The following NIF3L1 variants were observed in gnomAD, a reference collection of about 807,000 sequenced individuals.
NIF3L1 encodes the protein NIF3-like protein 1.
Under a neutral mutation model 35.0 loss-of-function variants are expected in NIF3L1, and 26 were observed. That is an observed-to-expected ratio of 0.74 (90% CI 0.54 to 1.03). The LOEUF (loss-of-function observed/expected upper bound fraction) is 1.03, where lower values mean the gene tolerates loss of function less well. NIF3L1 is among the 50% of genes least tolerant of loss of function. NIF3L1 has a pLI of 0.00. For synonymous variants in NIF3L1, 157 were observed against 178.9 expected (o/e 0.88, Z 0.98); for missense variants, 449 against 466.3 (o/e 0.96, Z 0.34).
chr2:200,889,379 G>C lies in NIF3L1; in HGVS notation c.-300G>C, dbSNP rs1186536465. 1.4e-5 allele frequency: 4 copies of C among 292,202 alleles called. No individual in the cohort carries two copies. Among genetic ancestry groups the C allele is most frequent in the Non-Finnish European group, 2.7e-5 (4 of 146,468 alleles). The allele number at this position is 292,202 out of a possible 1,614,324, so 18.1% of individuals were successfully genotyped here. ...GCGGGACCGGAAGTGACGCAGAGAA[G>C]TTTCCGGGACTGGTGAGTAGTGGGC... On this transcript the variant is annotated 5_prime_UTR_variant, in exon 1 of 7. Coordinates refer to ENST00000409020, the MANE Select transcript of NIF3L1 (RefSeq NM_001369441.2).
intron 6 of NIF3L1, among the ~76,000 whole-genome samples, chr2:200,900,262 C>T (rs896709530): frequency 6.6e-6 from 1 of 152,156 alleles, no homozygotes; most frequent in African/African-American, 2.4e-5. Flanking sequence ...CTAATAGGTC[C>T]TGGCTAATTT....
At chr2:200,893,137 G>A (rs992180039) in intron 2 of NIF3L1, 109 bp from the exon 3 acceptor site, 3 of 789,568 alleles carry the variant, frequency 3.8e-6, no homozygotes, top group Non-Finnish European at 5.9e-6. Context: ...GCATGAGAAT[G>A]AATCTTTTTA....
intron 3 of NIF3L1, 71 bp downstream of exon 3, chr2:200,893,479 C>A: frequency 1.4e-6 from 2 of 1,447,514 alleles, no homozygotes; most frequent in Non-Finnish European, 1.9e-6. Context: ...GTCTATAACC[C>A]TGGTATTTAG....
In NIF3L1 at chr2:200,900,629, A is replaced by G. The variant is rs188280217; in HGVS notation, c.949+1161A>G. ...AGCCTGATGGAATTGCTCTAAACCAATAAATTGATTTAAAAAAACAAAACA... is the reference window on the plus strand; with the variant it reads ...AGCCTGATGGAATTGCTCTAAACCAGTAAATTGATTTAAAAAAACAAAACA... On this transcript the variant is annotated intron_variant, in intron 6 of 6. Coordinates refer to ENST00000409020, the MANE Select transcript of NIF3L1 (RefSeq NM_001369441.2). 1.5e-4 allele frequency among the ~76,000 whole-genome samples: 23 copies of G among 152,336 alleles called. 1 individual carries two copies. The highest frequency in any genetic ancestry group is 5.3e-4 in the African/African-American group (22 of 41,570).
chr2:200,896,584 T>A (rs1370906170), intron 4 of NIF3L1, among the ~76,000 whole-genome samples: 1 of 152,120 alleles, frequency 6.6e-6, no homozygotes, highest in Non-Finnish European at 1.5e-5. Context: ...TTAAACAGTT[T>A]TATTATTTTG....
At chr2:200,903,449 A>AT (rs1264411061) in intron 6 of NIF3L1, 45 bp from the exon 7 acceptor site, 2 of 1,507,268 alleles carry the variant, frequency 1.3e-6, no homozygotes, top group Non-Finnish European at 1.8e-6. Flanking sequence ...CATTCCACAG[A>AT]TTCCATATTT....
At position 200,892,308 on chromosome 2, in the gene NIF3L1, G is replaced by T; in HGVS notation, c.365G>T (p.Gly122Val). 1 of 1,613,756 alleles carries T rather than the reference G, an allele frequency of 6.2e-7. No homozygotes were observed. The highest frequency in any genetic ancestry group is 8.5e-7 in the Non-Finnish European group (1 of 1,180,024). The change falls in exon 2 of 7, where the codon GGT (glycine) becomes GTT (valine). Residue 122 changes from glycine to valine, a missense_variant. Gly to Val is a moderately radical substitution (Grantham distance 109). Coordinates refer to ENST00000409020, the MANE Select transcript of NIF3L1 (RefSeq NM_001369441.2). ...LVIRALENRV[G>V]IYSPHTAYDA... The stretch of plus-strand genomic sequence containing the variant: ...ATCCGGGCTCTGGAGAACAGAGTCG[G>T]TATCTACTCTCCTCATACAGCCTAT...
At chr2:200,899,213 G>A (rs2040371375) in intron 5 of NIF3L1, 172 bp from the exon 6 acceptor site, 1 of 458,118 alleles carries the variant, frequency 2.2e-6, no homozygotes, top group South Asian at 5.3e-5. Context: ...AGAATGACCT[G>A]TTTGCTTATA....
Position 200,903,310 on chromosome 2 carries a change from T to C in NIF3L1, c.950-184T>C, listed in dbSNP as rs1234002499. Among the ~76,000 whole-genome samples the C allele has an allele frequency of 6.6e-5, 10 of 152,178 alleles. No individual in the cohort carries two copies. The East Asian group carries it at 7.7e-4, about 12-fold the overall frequency. Reference sequence around the variant, plus strand: ...GAGCCACCGCGCCCAGACTTTTCTCTCTTTTTAAGTTGGAGGACATAAAAG... The same window carrying C: ...GAGCCACCGCGCCCAGACTTTTCTCCCTTTTTAAGTTGGAGGACATAAAAG... On this transcript the variant is annotated intron_variant, in intron 6 of 6. Coordinates refer to ENST00000409020, the MANE Select transcript of NIF3L1 (RefSeq NM_001369441.2).
chr2:200,902,162 T>G (rs2040418203), intron 6 of NIF3L1, among the ~76,000 whole-genome samples: 1 of 152,204 alleles, frequency 6.6e-6, no homozygotes, highest in Admixed American at 6.5e-5. Flanking sequence ...TGCCCTTCTG[T>G]CTCTAAATAC....
chr2:200,889,916 GT>G (rs1232523891), intron 1 of NIF3L1, among the ~76,000 whole-genome samples: 1 of 151,974 alleles, frequency 6.6e-6, no homozygotes, highest in East Asian at 1.9e-4. Context: ...TTCTGTTGTC[GT>G]TGTTGACTGT....
At chr2:200,890,712 G>C (rs544936690) in intron 1 of NIF3L1, 1 of 152,208 alleles carries the variant, frequency 6.6e-6, no homozygotes, top group African/African-American at 2.4e-5. Flanking sequence ...CCTTCCCTCT[G>C]TTGCCAACCT....
chr2:200,890,193 A>G (rs907235820), intron 1 of NIF3L1, among the ~76,000 whole-genome samples: 1 of 152,102 alleles, frequency 6.6e-6, no homozygotes, highest in Non-Finnish European at 1.5e-5. Flanking sequence ...CCCCATCTCT[A>G]CTAAAAATAC....
intron 2 of NIF3L1, 31 bp downstream of exon 2, chr2:200,892,410 C>G (rs760812840): frequency 1.3e-6 from 2 of 1,512,898 alleles, no homozygotes; most frequent in Non-Finnish European, 1.8e-6. Context: ...TTGATATTTT[C>G]CCTGCAAATA....
chr2:200,901,908 A>G (rs377365718), intron 6 of NIF3L1, among the ~76,000 whole-genome samples: 1 of 152,160 alleles, frequency 6.6e-6, no homozygotes, highest in Non-Finnish European at 1.5e-5. Flanking sequence ...AAGGCTTCCA[A>G]CTGGGCCATC....
At chr2:200,892,862 T>C (rs2040229784) in intron 2 of NIF3L1, among the ~76,000 whole-genome samples, 2 of 152,200 alleles carry the variant, frequency 1.3e-5, no homozygotes, top group Non-Finnish European at 2.9e-5. Flanking sequence ...GCTTTTATGA[T>C]GATATCTGGA....
In NIF3L1 at chr2:200,895,264, G is replaced by C. The variant is rs370042489; in HGVS notation, c.600G>C (p.Arg200Ser). 1 of 1,613,642 alleles carries C rather than the reference G, an allele frequency of 6.2e-7. No individual in the cohort carries two copies. The highest frequency in any genetic ancestry group is 1.3e-5 in the African/African-American group (1 of 74,882). ...DGVSVTSFSARTGNEEQTRIN... is the reference protein window; with the variant it reads ...DGVSVTSFSASTGNEEQTRIN... ...AAATGGAGTGATTTTTCCCCCCTAG[G>C]ACTGGTAATGAGGAACAAACACGGA... The change falls in exon 4 of 7, where the codon AGG becomes AGC. Residue 200 changes from arginine (R) to serine (S), a missense_variant and splice_region_variant. Arg to Ser is a moderately radical substitution (Grantham distance 110). Transcript: ENST00000409020.
intron 2 of NIF3L1, among the ~76,000 whole-genome samples, chr2:200,892,892 T>G (rs2040230207): frequency 6.6e-6 from 1 of 152,212 alleles, no homozygotes; most frequent in Non-Finnish European, 1.5e-5. Flanking sequence ...TCAAATAAAG[T>G]ATGAGCATTT....
At position 200,895,254 on chromosome 2, in the gene NIF3L1, T is replaced by A; in HGVS notation, c.600-10T>A. 6.2e-7 allele frequency: 1 copy of A among 1,611,070 alleles called. No individual in the cohort carries two copies. The highest frequency in any genetic ancestry group is 8.5e-7 in the Non-Finnish European group (1 of 1,177,714). On this transcript the variant is annotated splice_polypyrimidine_tract_variant and intron_variant, in intron 3 of 6. Coordinates refer to ENST00000409020, the MANE Select transcript of NIF3L1 (RefSeq NM_001369441.2). Reference sequence around the variant, plus strand: ...TATTTGTCCTAAATGGAGTGATTTTTCCCCCCTAGGACTGGTAATGAGGAA... The same window carrying A: ...TATTTGTCCTAAATGGAGTGATTTTACCCCCCTAGGACTGGTAATGAGGAA...
Sources: gnomAD v4.1 joint callset for allele counts (sites outside exome capture counted in the v4.1 genomes callset) on GRCh38, gnomAD v4.1.1 for gene constraint, MANE v1.5 for transcripts, NCBI Gene and HGNC (gene_info 2026-07-23, HGNC 2026-07-21) for gene names.